Variants in CD163L1 observed in about 807,000 individuals in gnomAD.
CD163L1 encodes the protein scavenger receptor cysteine-rich type 1 protein M160.
Under a neutral mutation model 165.4 loss-of-function variants are expected in CD163L1, and 124 were observed. The observed-to-expected ratio is 0.75, with a 90% CI of 0.65 to 0.87. The LOEUF is 0.87. CD163L1 is among the 40% of genes least tolerant of loss of function. The probability of loss-of-function intolerance (pLI) is 0.00; values close to 1 mark genes in which losing one functional copy is unlikely to be tolerated. For synonymous variants in CD163L1, 585 were observed against 662.2 expected, an observed-to-expected ratio of 0.88 and a Z score of 1.79; for missense variants, 1,525 against 1,799.9, an observed-to-expected ratio of 0.85 and a Z score of 2.76.
chr12:7,426,290 T>C (rs1301727320), intron 4 of CD163L1, among the ~76,000 whole-genome samples: 3 of 151,752 alleles, frequency 2.0e-5, no homozygotes, highest in Non-Finnish European at 4.4e-5. Flanking sequence ...TGGGCATGTC[T>C]GGGAATGGGG....
chr12:7,332,892 C>A, the CD163L1 span, among the ~76,000 whole-genome samples: 2 of 152,130 alleles, frequency 1.3e-5, no homozygotes, highest in African/African-American at 2.4e-5. Flanking sequence ...GCAAAATAAC[C>A]AGCTAACATC....
At position 7,441,209 on chromosome 12, in the gene CD163L1, A is replaced by G; in HGVS notation, c.69T>C (p.Ser23=). ...GRCCCHQNLF[S]AVVTCILLLN... is the part of the protein sequence containing the mutation. The stretch of plus-strand genomic sequence containing the variant: ...GGAGCAGGATGCAAGTTACCACAGC[A>G]GAGAAAAGGTTCTGATGACAGCAGC... Residue 23 remains serine, a synonymous_variant, in exon 2 of 20, where the codon TCT becomes TCC. Coordinates refer to ENST00000313599, the MANE Select transcript of CD163L1 (RefSeq NM_174941.6). 6.2e-7 allele frequency: 1 copy of G among 1,614,146 alleles called. No individual in the cohort carries two copies.
At chr12:7,376,766 A>G (rs770903619) in intron 9 of CD163L1, among the ~76,000 whole-genome samples, 1 of 152,260 alleles carries the variant, frequency 6.6e-6, no homozygotes, top group African/African-American at 2.4e-5. Context: ...TATGCCCATA[A>G]TCCCAAAACT....
intron 4 of CD163L1, among the ~76,000 whole-genome samples, chr12:7,428,362 T>C (rs1241893136): frequency 6.6e-6 from 1 of 152,224 alleles, no homozygotes; most frequent in Non-Finnish European, 1.5e-5. Flanking sequence ...CATGTATTCA[T>C]ATCGTTTGCC....
Position 7,370,367 on chromosome 12 carries a change from T to A in CD163L1, c.3731-702A>T, listed in dbSNP as rs138403155. Among the ~76,000 whole-genome samples the A allele has an allele frequency of 7.7e-3, 1,166 of 152,310 alleles. 15 individuals carry two copies. The highest frequency in any genetic ancestry group is 0.027 in the African/African-American group (1,114 of 41,564). ...TCCTCAATATTTTAGAATGATCTTA[T>A]CATTTTTATGTTTCATTCTTTATTA... On this transcript the variant is annotated intron_variant, in intron 14 of 19. Coordinates refer to ENST00000313599, the MANE Select transcript of CD163L1 (RefSeq NM_174941.6).
chr12:7,373,425 C>G lies in CD163L1; in HGVS notation c.3625G>C (p.Asp1209His). Residue 1209 changes from aspartate (D) to histidine (H), a missense_variant, in exon 14 of 20, where the codon GAC becomes CAC. By Grantham distance (81) the Asp-to-His change is moderately conservative. Transcript: ENST00000313599. ...ATATGCGTTTTAGGACACTGAATGTCATCCACCCACATGAAACCAGAGCCT... is the reference window on the plus strand; with the variant it reads ...ATATGCGTTTTAGGACACTGAATGTGATCCACCCACATGAAACCAGAGCCT... Reference protein sequence around the residue: ...KTGSGFMWVDDIQCPKTHISI... With the variant: ...KTGSGFMWVDHIQCPKTHISI... The G allele has an allele frequency of 6.2e-7, 1 of 1,614,210 alleles. No homozygotes were observed. The highest frequency in any genetic ancestry group is 8.5e-7 in the Non-Finnish European group (1 of 1,180,032).
intron 8 of CD163L1, among the ~76,000 whole-genome samples, chr12:7,382,312 G>A (rs1947428301): frequency 6.6e-6 from 1 of 151,942 alleles, no homozygotes; most frequent in Non-Finnish European, 1.5e-5. Flanking sequence ...GCTCAAGGGG[G>A]AGGCTTCAAG....
the CD163L1 span, among the ~76,000 whole-genome samples, chr12:7,338,453 G>A: frequency 6.6e-6 from 1 of 152,040 alleles, no homozygotes; most frequent in Non-Finnish European, 1.5e-5. Flanking sequence ...GAATTTTAGG[G>A]AAAAAAACTT....
In CD163L1 at chr12:7,406,823, C is replaced by G; in HGVS notation, c.796G>C (p.Gly266Arg). ...DSSDLELRLV[G>R]GTNRCMGRVE... Reference sequence around the variant, plus strand: ...CTCCCCATACAGCGGTTAGTTCCACCTACAAGCCTTAGTTCAAGATCACTA... The same window carrying G: ...CTCCCCATACAGCGGTTAGTTCCACGTACAAGCCTTAGTTCAAGATCACTA... The change falls in exon 5 of 20, where the codon GGT becomes CGT. Residue 266 changes from glycine (G) to arginine (R), a missense_variant. Coordinates refer to ENST00000313599, the MANE Select transcript of CD163L1 (RefSeq NM_174941.6). The G allele has an allele frequency of 6.2e-7, 1 of 1,614,044 alleles. No individual in the cohort carries two copies. The highest frequency in any genetic ancestry group is 1.7e-4 in the Middle Eastern group (1 of 6,060).
intron 2 of CD163L1, among the ~76,000 whole-genome samples, chr12:7,436,766 A>G (rs1262337078): frequency 1.3e-5 from 2 of 152,200 alleles, no homozygotes; most frequent in Non-Finnish European, 2.9e-5. Flanking sequence ...TGAAAAATAT[A>G]GAAAATAATG....
chr12:7,336,853 G>A, the CD163L1 span, among the ~76,000 whole-genome samples: 32 of 151,968 alleles, frequency 2.1e-4, no homozygotes, highest in African/African-American at 2.4e-5. Flanking sequence ...AAGAGGGCCC[G>A]TATAGCCAAG....
In CD163L1 at chr12:7,440,922, C is replaced by T. The variant is rs73272453; in HGVS notation, c.124+232G>A. ...GATTACAGGCCTGAGCCACTGTGCC[C>T]GGCCGGATTTGGAAATTCTCTTTAT... is the stretch of plus-strand genomic sequence containing the variant. On this transcript the variant is annotated intron_variant, in intron 2 of 19. Coordinates refer to ENST00000313599, the MANE Select transcript of CD163L1 (RefSeq NM_174941.6). Among the ~76,000 whole-genome samples, 1,033 of 152,242 alleles carry T rather than the reference C, an allele frequency of 6.8e-3. 10 individuals are homozygous for T. The highest frequency in any genetic ancestry group is 0.024 in the African/African-American group (988 of 41,538).
chr12:7,337,546 G>A, the CD163L1 span, among the ~76,000 whole-genome samples: 2 of 152,110 alleles, frequency 1.3e-5, no homozygotes, highest in African/African-American at 4.8e-5. Context: ...AGACATTTAT[G>A]CAGCCAACAA....
chr12:7,381,497 T>C (rs1481319187), intron 8 of CD163L1, among the ~76,000 whole-genome samples: 4 of 152,228 alleles, frequency 2.6e-5, no homozygotes, highest in African/African-American at 9.6e-5. Context: ...TATTTGTTAC[T>C]CTGTGTCTTT....
chr12:7,439,784 T>G (rs1260068196), intron 2 of CD163L1: 2 of 1,613,614 alleles, frequency 1.2e-6, no homozygotes, highest in Non-Finnish European at 1.7e-6. Flanking sequence ...CCCCCCTCGA[T>G]CTTTATGTCC....
At chr12:7,421,443 A>ATATG (rs1324770568) in intron 4 of CD163L1, among the ~76,000 whole-genome samples, 2 of 122,898 alleles carry the variant, frequency 1.6e-5, no homozygotes, top group African/African-American at 3.3e-5. Flanking sequence ...ATATATACAT[A>ATATG]TACATATATG....
At chr12:7,421,072 TAC>T (rs1447846039) in intron 4 of CD163L1, among the ~76,000 whole-genome samples, 8 of 109,626 alleles carry the variant, frequency 7.3e-5, no homozygotes, top group African/African-American at 2.3e-4. Flanking sequence ...TATGTATATA[TAC>T]GTATATATAT....
chr12:7,373,680 T>C, intron 13 of CD163L1, 40 bp from the exon 14 acceptor site: 3 of 1,506,780 alleles, frequency 2.0e-6, no homozygotes, highest in Non-Finnish European at 2.7e-6. Flanking sequence ...ATATTTCCTT[T>C]GGAGTTGGAA....
intron 4 of CD163L1, among the ~76,000 whole-genome samples, chr12:7,412,497 C>T (rs757691579): frequency 6.6e-6 from 1 of 152,110 alleles, no homozygotes; most frequent in Admixed American, 6.6e-5. Context: ...TAAAAGTTGA[C>T]AATTTGTATA....
Sources: allele counts gnomAD v4.1 joint callset (sites outside exome capture counted in the v4.1 genomes callset), GRCh38; gene constraint gnomAD v4.1.1; transcripts MANE v1.5; gene names NCBI Gene and HGNC (gene_info 2026-07-23, HGNC 2026-07-21).